ALDH18A1: variants seen among roughly 807,000 people sequenced by gnomAD.
ALDH18A1 encodes the protein aldehyde dehydrogenase 18 family member A1, also known as delta-1-pyrroline-5-carboxylate synthase.
In ALDH18A1, 44 loss-of-function variants were observed where a neutral mutation model predicts 88.8. That is an observed-to-expected ratio of 0.50 (90% CI 0.39 to 0.64). The LOEUF (loss-of-function observed/expected upper bound fraction) is 0.64, where lower values mean the gene tolerates loss of function less well. Ranked by LOEUF, ALDH18A1 falls within the 30% of genes least tolerant of loss-of-function variation. The pLI is 0.00. For synonymous variants in ALDH18A1, 331 were observed against 372.1 expected, an observed-to-expected ratio of 0.89 and a Z score of 1.27; for missense variants, 782 against 1,009.5, an observed-to-expected ratio of 0.77 and a Z score of 3.05.
intron 5 of ALDH18A1, among the ~76,000 whole-genome samples, chr10:95,635,167 T>A (rs1407918801): frequency 6.6e-6 from 1 of 152,156 alleles, no homozygotes; most frequent in Non-Finnish European, 1.5e-5. Flanking sequence ...ATGGAGCATA[T>A]TTTTGAAAGG....
chr10:95,619,770 C>T (rs538878424), intron 12 of ALDH18A1, among the ~76,000 whole-genome samples: 2 of 152,270 alleles, frequency 1.3e-5, no homozygotes, highest in Admixed American at 1.3e-4. Flanking sequence ...TTCCTTACAC[C>T]TTATACAAAA....
chr10:95,607,570 A>G (rs2097825135), intron 17 of ALDH18A1, among the ~76,000 whole-genome samples: 1 of 152,136 alleles, frequency 6.6e-6, no homozygotes, highest in African/African-American at 2.4e-5. Context: ...TGTACTATGT[A>G]CTAGGCACTG....
rs117197936 is a variant in ALDH18A1, at chr10:95,632,807, T to C, written c.808+152A>G. ...ATCTCTTAGACTCACCCACCCTGTT[T>C]TGAGTCATAAAAGCCCTTTGTCAGA... On this transcript the variant is annotated intron_variant, in intron 7 of 17. Coordinates refer to ENST00000371224, the MANE Select transcript of ALDH18A1 (RefSeq NM_002860.4). 27,281 of 707,494 alleles carry C rather than the reference T, an allele frequency of 0.039. 684 individuals are homozygous for C. The highest frequency in any genetic ancestry group is 0.05 in the Non-Finnish European group (19,620 of 395,462). 43.8% of individuals were successfully genotyped at this position (707,494 alleles called of 1,614,324 possible).
At chr10:95,627,420 G>A (rs757342479) in intron 9 of ALDH18A1, 22 bp downstream of exon 9, 9 of 1,613,856 alleles carry the variant, frequency 5.6e-6, no homozygotes, top group Non-Finnish European at 7.6e-6. Flanking sequence ...CAGGCCTTGG[G>A]ACCTTATGAA....
rs760247788 is a variant in ALDH18A1 at position 95,637,354 on chromosome 10, T to C, written c.386A>G (p.His129Arg). 6.2e-7 allele frequency: 1 copy of C among 1,614,236 alleles called. No individual in the cohort carries two copies. Residue 129 changes from histidine to arginine, a missense_variant, in exon 4 of 18, where the codon CAT becomes CGT. By Grantham distance (29) the His-to-Arg change is conservative. This residue lies in a region of ALDH18A1 where 132 missense variants were observed against 255.5 expected (regional missense o/e 0.52). Transcript: ENST00000371224. ...AVAFGKQRLR[H>R]EILLSQSVRQ... is the part of the protein sequence containing the mutation. ...CACGCTCTGAGACAGAAGGATCTCA[T>C]GGCGCAAGCGTTGTTTGCCAAAGGC...
chr10:95,635,983 C>T (rs1196067244), intron 5 of ALDH18A1, among the ~76,000 whole-genome samples: 2 of 152,124 alleles, frequency 1.3e-5, no homozygotes, highest in Non-Finnish European at 2.9e-5. Flanking sequence ...GAGATTTATA[C>T]TGTATTTATA....
Position 95,621,068 on chromosome 10 carries a change from A to G in ALDH18A1, c.1430T>C (p.Leu477Pro). 6.2e-7 allele frequency: 1 copy of G among 1,614,180 alleles called. No homozygotes were observed. Among genetic ancestry groups the G allele is most frequent in the South Asian group, 1.1e-5 (1 of 91,080 alleles). ...GTCAGGACGAGATTCAAAGATCACC[A>G]GCAGAACTCCAATTGGGACAGTCAC... ...EQVTVPIGVL[L>P]VIFESRPDCL... Residue 477 changes from leucine to proline, a missense_variant, in exon 12 of 18, where the codon CTG becomes CCG. This residue lies in a region of ALDH18A1 where 556 missense variants were observed against 654.5 expected (regional missense o/e 0.85). Coordinates refer to ENST00000371224, the MANE Select transcript of ALDH18A1 (RefSeq NM_002860.4).
At chr10:95,611,071 C>G (rs950105713) in intron 16 of ALDH18A1, among the ~76,000 whole-genome samples, 185 bp downstream of exon 16, 8 of 152,204 alleles carry the variant, frequency 5.3e-5, no homozygotes, top group Non-Finnish European at 1.0e-4. Flanking sequence ...CCCTCCTCCT[C>G]CAGCTGTGAC....
At chr10:95,634,198 C>G (rs2097876431) in intron 5 of ALDH18A1, among the ~76,000 whole-genome samples, 1 of 152,178 alleles carries the variant, frequency 6.6e-6, no homozygotes, top group Non-Finnish European at 1.5e-5. Flanking sequence ...AAAATCTCAT[C>G]CATTTACAAA....
intron 2 of ALDH18A1, among the ~76,000 whole-genome samples, chr10:95,643,970 C>T (rs1360508173): frequency 6.6e-6 from 1 of 152,076 alleles, no homozygotes; most frequent in Non-Finnish European, 1.5e-5. Context: ...ATGGTGAAAC[C>T]CCGTCTCTAC....
chr10:95,636,587 G>A (rs2097881110), intron 5 of ALDH18A1, among the ~76,000 whole-genome samples: 1 of 152,172 alleles, frequency 6.6e-6, no homozygotes, highest in South Asian at 2.1e-4. Flanking sequence ...GTACACCATA[G>A]GTGCTCAATA....
chr10:95,613,143 G>C (rs2097838396), intron 15 of ALDH18A1, among the ~76,000 whole-genome samples: 2 of 152,192 alleles, frequency 1.3e-5, no homozygotes, highest in African/African-American at 2.4e-5. Flanking sequence ...TTTGCCTTGA[G>C]GGCATCTATT....
intron 17 of ALDH18A1, 108 bp downstream of exon 17, chr10:95,610,089 C>T (rs2097830878): frequency 1.8e-6 from 2 of 1,103,000 alleles, no homozygotes; most frequent in Non-Finnish European, 2.7e-6. Flanking sequence ...CTTATCTTGA[C>T]CAAGCATGTG....
chr10:95,655,625 AG>A (rs11287394), intron 1 of ALDH18A1, among the ~76,000 whole-genome samples: 115,897 of 151,702 alleles, frequency 0.76, 45,149 homozygotes, highest in Middle Eastern at 0.86. Flanking sequence ...CTGACTGACC[AG>A]GCAGAGTGTA....
chr10:95,646,505 C>G (rs777697608), intron 2 of ALDH18A1, among the ~76,000 whole-genome samples: 3 of 152,076 alleles, frequency 2.0e-5, no homozygotes, highest in Non-Finnish European at 2.9e-5. Context: ...CCAGTAGGTT[C>G]TAGCACAAAG....
rs756690468 is a variant in ALDH18A1 at position 95,628,505 on chromosome 10, C to T, written c.809-13G>A. On this transcript the variant is annotated splice_polypyrimidine_tract_variant and intron_variant, in intron 7 of 17. Coordinates refer to ENST00000371224, the MANE Select transcript of ALDH18A1 (RefSeq NM_002860.4). ...CTGTCAAAAAGGCCTAAAAAATAGA[C>T]AAGAGTCAGTAATACTGCTTTGATG... 3.1e-6 allele frequency: 5 copies of T among 1,611,692 alleles called. No individual in the cohort carries two copies. Among genetic ancestry groups the T allele is most frequent in the South Asian group, 1.1e-5 (1 of 91,084 alleles).
chr10:95,636,960 G>A (rs577965721), intron 5 of ALDH18A1, 133 bp downstream of exon 5: 1 of 871,032 alleles, frequency 1.1e-6, no homozygotes, highest in Non-Finnish European at 1.9e-6. Context: ...AAAAGGAAAA[G>A]AAACTTTCTT....
intron 7 of ALDH18A1, chr10:95,628,857 G>A (rs1166818003): frequency 6.1e-6 from 2 of 327,672 alleles, no homozygotes; most frequent in East Asian, 1.5e-4. Flanking sequence ...AAGAAGGGTG[G>A]CTATTGCAGA....
At position 95,629,751 on chromosome 10, in the gene ALDH18A1, A is replaced by T. The variant is rs545420914; in HGVS notation, c.809-1259T>A. ...CTCCTCTTTTCCCCTTACCCCACCA[A>T]GAGCATAGTTAAAATTCAGATACTG... On this transcript the variant is annotated intron_variant, in intron 7 of 17. Coordinates refer to ENST00000371224, the MANE Select transcript of ALDH18A1 (RefSeq NM_002860.4). 7.2e-4 allele frequency among the ~76,000 whole-genome samples: 110 copies of T among 152,282 alleles called. 1 individual carries two copies. In the South Asian group the frequency reaches 0.022, roughly 30 times the overall value.
Sources: gnomAD v4.1 joint callset for allele counts (sites outside exome capture counted in the v4.1 genomes callset) on GRCh38, gnomAD v4.1.1 for gene constraint, gnomAD v4.1.1 regional missense constraint, MANE v1.5 for transcripts, NCBI Gene and HGNC (gene_info 2026-07-23, HGNC 2026-07-21) for gene names.